The following LHX4 variants were observed in gnomAD, a reference collection of about 807,000 sequenced individuals.
LHX4 encodes LIM/homeobox protein Lhx4.
LHX4 carries 16 observed loss-of-function variants against 39.2 expected under a neutral mutation model. The ratio of observed to expected loss-of-function variants is 0.41; its 90% CI spans 0.28 to 0.62. The LOEUF (loss-of-function observed/expected upper bound fraction) is 0.62. Ranked by LOEUF, LHX4 falls within the 20% of genes least tolerant of loss-of-function variation. The probability of loss-of-function intolerance (pLI) is 0.33; values close to 1 mark genes in which losing one functional copy is unlikely to be tolerated. For synonymous variants in LHX4, 206 were observed against 198.1 expected, an observed-to-expected ratio of 1.04 and a Z score of -0.33; for missense variants, 439 against 511.9, an observed-to-expected ratio of 0.86 and a Z score of 1.37.
At chr1:180,248,543 A>G in intron 2 of LHX4, 87 bp downstream of exon 2, 1 of 1,473,204 alleles carries the variant, frequency 6.8e-7, no homozygotes, top group South Asian at 1.2e-5. Context: ...AGGGTAGGCC[A>G]GGGAGGGTGG....
chr1:180,241,796 G>T (rs941286867), intron 1 of LHX4, among the ~76,000 whole-genome samples: 3 of 151,364 alleles, frequency 2.0e-5, no homozygotes, highest in Non-Finnish European at 1.5e-5. Context: ...GATTTTTTTT[G>T]TTTTTGTGTT....
intron 1 of LHX4, 40 bp from the exon 2 acceptor site, chr1:180,248,245 G>A (rs747066261): frequency 4.4e-6 from 7 of 1,608,512 alleles, no homozygotes; most frequent in Non-Finnish European, 5.1e-6. Flanking sequence ...GCAGGGCTGT[G>A]TGGAAGGCTC....
intron 2 of LHX4, among the ~76,000 whole-genome samples, chr1:180,256,867 G>C (rs1647879252): frequency 6.6e-6 from 1 of 152,236 alleles, no homozygotes; most frequent in Non-Finnish European, 1.5e-5. Flanking sequence ...AGGGAGAGGA[G>C]GGAGGGTGAC....
At chr1:180,269,325 T>G (rs1007355440) in intron 3 of LHX4, among the ~76,000 whole-genome samples, 2 of 152,244 alleles carry the variant, frequency 1.3e-5, no homozygotes, top group Admixed American at 6.5e-5. Context: ...TTGTCACATT[T>G]AACTTCCGTA....
intron 2 of LHX4, among the ~76,000 whole-genome samples, chr1:180,249,645 G>A (rs1026749298): frequency 1.3e-5 from 2 of 152,250 alleles, no homozygotes; most frequent in African/African-American, 2.4e-5. Flanking sequence ...AGAAATGTGA[G>A]TCCTGGATAC....
At chr1:180,229,866 C>G (rs939383154), upstream of LHX4, among the ~76,000 whole-genome samples, 3 of 151,718 alleles carry the variant, frequency 2.0e-5, no homozygotes, top group Admixed American at 6.5e-5. Context: ...AGGGCGCCGC[C>G]GTCTCCGACC....
At position 180,230,554 on chromosome 1, in the gene LHX4, G is replaced by A; in HGVS notation, c.25G>A (p.Ala9Thr). 1.2e-6 allele frequency: 2 copies of A among 1,613,962 alleles called. No homozygotes were observed. Among genetic ancestry groups the A allele is most frequent in the South Asian group, 1.1e-5 (1 of 91,068 alleles). The change falls in exon 1 of 6, where the codon GCG becomes ACG. Residue 9 changes from alanine (A) to threonine (T), a missense_variant. By Grantham distance (58) the Ala-to-Thr change is moderately conservative (BLOSUM62 0). Transcript: ENST00000263726. This position sits in a 1 kb window ranked among gnomAD's most constrained non-coding sequence, Gnocchi z 5.8. MMQSATVP[A>T]EGAVKGLPEM... ...GATGATGCAGAGTGCGACTGTCCCC[G>A]CGGAAGGGGCTGTCAAGGGGCTCCC... is the stretch of plus-strand genomic sequence containing the variant.
intron 1 of LHX4, among the ~76,000 whole-genome samples, chr1:180,241,689 T>A (rs1664447135): frequency 6.6e-6 from 1 of 152,242 alleles, no homozygotes; most frequent in South Asian, 2.1e-4. Flanking sequence ...AGATCTGGGA[T>A]TTATTGGCAT....
intron 2 of LHX4, among the ~76,000 whole-genome samples, chr1:180,249,647 C>T (rs951086307): frequency 4.6e-5 from 7 of 152,170 alleles, no homozygotes; most frequent in Non-Finnish European, 1.0e-4. Flanking sequence ...AAATGTGAGT[C>T]CTGGATACAG....
intron 2 of LHX4, among the ~76,000 whole-genome samples, chr1:180,254,173 G>T (rs571037503): frequency 9.2e-5 from 14 of 152,276 alleles, no homozygotes; most frequent in African/African-American, 3.4e-4. Flanking sequence ...AGTGACTCTC[G>T]GGTGTTCTGA....
chr1:180,231,508 T>C (rs1334336520), intron 1 of LHX4, among the ~76,000 whole-genome samples: 14 of 143,274 alleles, frequency 9.8e-5, no homozygotes, highest in African/African-American at 3.5e-4. Context: ...TGAGCGAGAG[T>C]CCCCGAGAGG....
chr1:180,274,803 GGTA>G lies in LHX4; in HGVS notation c.*225_*227del. 1 of 546,236 alleles carries G rather than the reference GGTA, an allele frequency of 1.8e-6. No individual in the cohort carries two copies. The highest frequency in any genetic ancestry group is 3.2e-6 in the Non-Finnish European group (1 of 311,942). The allele number at this position is 546,236 out of a possible 1,614,324, so 33.8% of individuals were successfully genotyped here. A position where few individuals can be genotyped will look rare whatever the true frequency, so the allele number is the denominator to read the frequency against. On this transcript the variant is annotated 3_prime_UTR_variant, in exon 6 of 6. Coordinates refer to ENST00000263726, the MANE Select transcript of LHX4 (RefSeq NM_033343.4). ...ACTCATCTCAGAACACAGCACAGGGGGTAATGGCCTAGAGCTCTAGGGACACTG... is the reference window on the plus strand; with the variant it reads ...ACTCATCTCAGAACACAGCACAGGGGATGGCCTAGAGCTCTAGGGACACTG...
intron 3 of LHX4, chr1:180,270,792 T>C (rs1648599439): frequency 1.3e-5 from 2 of 159,224 alleles, no homozygotes. Flanking sequence ...GTTTTAGTTT[T>C]GATCCACTAA....
At chr1:180,252,752 C>T (rs1221847272) in intron 2 of LHX4, among the ~76,000 whole-genome samples, 1 of 152,078 alleles carries the variant, frequency 6.6e-6, no homozygotes, top group Non-Finnish European at 1.5e-5. Context: ...GGAAGGAGGC[C>T]GGGAGGTCAG....
chr1:180,252,301 CT>C (rs1263466937), intron 2 of LHX4, among the ~76,000 whole-genome samples: 1 of 152,162 alleles, frequency 6.6e-6, no homozygotes, highest in Non-Finnish European at 1.5e-5. Flanking sequence ...CCCTCCCTGG[CT>C]CACCCTCGGC....
Position 180,272,021 on chromosome 1 carries a change from AG to A in LHX4, c.778+19del. On this transcript the variant is annotated intron_variant, in intron 5 of 5. Coordinates refer to ENST00000263726, the MANE Select transcript of LHX4 (RefSeq NM_033343.4). The stretch of plus-strand genomic sequence containing the variant: ...GAGCTTCCGAGGTGAGCAGGGCTGG[AG>A]GGGCCAGGCCGAGGCCTTAGGAAAG... The A allele has an allele frequency of 1.9e-6, 3 of 1,608,764 alleles. No homozygotes were observed. Among genetic ancestry groups the A allele is most frequent in the Non-Finnish European group, 2.5e-6 (3 of 1,177,952 alleles).
intron 3 of LHX4, among the ~76,000 whole-genome samples, chr1:180,267,388 C>T (rs1197272816): frequency 2.0e-5 from 3 of 152,258 alleles, no homozygotes; most frequent in South Asian, 2.1e-4. Flanking sequence ...CAGCGGCTCT[C>T]GCCCTACATG....
intron 2 of LHX4, chr1:180,248,778 A>G (rs1210615559): frequency 2.5e-6 from 1 of 400,450 alleles, no homozygotes; most frequent in Non-Finnish European, 4.8e-6. Context: ...AGAGCAACAG[A>G]AAGAGTTGCT....
intron 2 of LHX4, among the ~76,000 whole-genome samples, chr1:180,250,626 GC>G (rs1647588835): frequency 6.6e-6 from 1 of 152,204 alleles, no homozygotes; most frequent in African/African-American, 2.4e-5. Flanking sequence ...GCTCAGGGAA[GC>G]CTGTGGGGTA....
Sources: allele counts gnomAD v4.1 joint callset (sites outside exome capture counted in the v4.1 genomes callset), GRCh38; gene constraint gnomAD v4.1.1; non-coding constraint Gnocchi (gnomAD v3.1); transcripts MANE v1.5; gene names NCBI Gene and HGNC (gene_info 2026-07-23, HGNC 2026-07-21).